The following SH3BGRL2 variants were observed in gnomAD, a reference collection of about 807,000 sequenced individuals.
SH3BGRL2 encodes the protein SH3 domain-binding glutamic acid-rich-like protein 2.
A neutral mutation model predicts 14.8 loss-of-function variants in SH3BGRL2; 21 were observed. The ratio of observed to expected loss-of-function variants is 1.42; its 90% CI spans 1.01 to 2.05. SH3BGRL2 has a LOEUF of 2.05. Among genes scored for constraint, SH3BGRL2 ranks in the 30% most tolerant of loss-of-function variants. The pLI is 0.00. For synonymous variants in SH3BGRL2, 50 were observed against 47.8 expected (o/e 1.05, Z -0.19); for missense variants, 147 against 130.8 (o/e 1.12, Z -0.61).
chr6:79,606,107 T>C, the SH3BGRL2 span, among the ~76,000 whole-genome samples: 1 of 152,118 alleles, frequency 6.6e-6, no homozygotes, highest in Non-Finnish European at 1.5e-5. Flanking sequence ...TTTCTAGAGA[T>C]GGGACATGGC....
upstream of SH3BGRL2, among the ~76,000 whole-genome samples, chr6:79,626,357 C>T (rs536068611): frequency 1.3e-4 from 20 of 152,282 alleles, no homozygotes; most frequent in African/African-American, 4.1e-4. Flanking sequence ...AGGATATTTA[C>T]GTTCCCTGAT....
the SH3BGRL2 span, among the ~76,000 whole-genome samples, chr6:79,597,443 T>C: frequency 6.6e-6 from 1 of 151,960 alleles, no homozygotes; most frequent in African/African-American, 2.4e-5. Context: ...TGGGATAGAA[T>C]TGAGAGTCCA....
chr6:79,611,249 A>G, the SH3BGRL2 span, among the ~76,000 whole-genome samples: 1 of 152,152 alleles, frequency 6.6e-6, no homozygotes, highest in Non-Finnish European at 1.5e-5. Context: ...CTTAAATGAA[A>G]TAAGAATGTA....
At chr6:79,600,155 C>A in the SH3BGRL2 span, among the ~76,000 whole-genome samples, 5 of 152,222 alleles carry the variant, frequency 3.3e-5, no homozygotes, top group Non-Finnish European at 7.3e-5. Flanking sequence ...TCTATAAAAT[C>A]CCTAGCAAGT....
chr6:79,628,350 A>G (rs1768768466), upstream of SH3BGRL2, among the ~76,000 whole-genome samples: 2 of 151,198 alleles, frequency 1.3e-5, 1 homozygote. Flanking sequence ...TCTTACTCCC[A>G]CAAAAAAAAA....
chr6:79,575,689 T>G, the SH3BGRL2 span, among the ~76,000 whole-genome samples: 1 of 152,110 alleles, frequency 6.6e-6, no homozygotes, highest in East Asian at 1.9e-4. Flanking sequence ...AATATAGATA[T>G]AGCAGCTGCA....
intron 1 of SH3BGRL2, among the ~76,000 whole-genome samples, chr6:79,661,080 A>G (rs1055879052): frequency 6.6e-6 from 1 of 152,142 alleles, no homozygotes; most frequent in African/African-American, 2.4e-5. Context: ...TCAAAAAACC[A>G]GCTCCTGGAT....
chr6:79,572,691 T>C, the SH3BGRL2 span, among the ~76,000 whole-genome samples: 2 of 152,108 alleles, frequency 1.3e-5, no homozygotes, highest in South Asian at 4.1e-4. Flanking sequence ...GGTCTCGATC[T>C]CCTGACCTCG....
the SH3BGRL2 span, among the ~76,000 whole-genome samples, chr6:79,547,535 C>T: frequency 6.6e-6 from 1 of 152,082 alleles, no homozygotes; most frequent in African/African-American, 2.4e-5. Context: ...TACCCCTGAC[C>T]CAAGGGCCAT....
chr6:79,671,785 C>T (rs538137069), intron 1 of SH3BGRL2, among the ~76,000 whole-genome samples: 13 of 152,292 alleles, frequency 8.5e-5, no homozygotes, highest in African/African-American at 2.9e-4. Context: ...TGCCTGCCCC[C>T]GCCACCCTAG....
the SH3BGRL2 span, among the ~76,000 whole-genome samples, chr6:79,564,365 T>C: frequency 1.3e-5 from 2 of 151,228 alleles, no homozygotes; most frequent in African/African-American, 2.4e-5. Flanking sequence ...AACTGCACTG[T>C]ATTTTATTCT....
the SH3BGRL2 span, among the ~76,000 whole-genome samples, chr6:79,610,111 T>A: frequency 1.3e-5 from 2 of 152,210 alleles, no homozygotes; most frequent in Non-Finnish European, 2.9e-5. Flanking sequence ...CATTTTTATC[T>A]GGAGAAAAGG....
the SH3BGRL2 span, among the ~76,000 whole-genome samples, chr6:79,552,578 G>C: frequency 1.3e-5 from 2 of 152,138 alleles, no homozygotes; most frequent in East Asian, 1.9e-4. Context: ...AGGTGTGTCT[G>C]ACCTCCCATC....
the SH3BGRL2 span, among the ~76,000 whole-genome samples, chr6:79,562,764 A>G: frequency 6.6e-6 from 1 of 152,204 alleles, no homozygotes; most frequent in Non-Finnish European, 1.5e-5. Context: ...GACCATACAT[A>G]AAATACACTA....
intron 2 of SH3BGRL2, among the ~76,000 whole-genome samples, chr6:79,676,500 A>C (rs937692652): frequency 4.6e-5 from 7 of 151,292 alleles, no homozygotes; most frequent in African/African-American, 7.3e-5. Flanking sequence ...TTGAGTTTTG[A>C]CCATTCTCTT....
rs942079746 is a variant in SH3BGRL2, at chr6:79,689,555, G to A, written c.232-6930G>A. On this transcript the variant is annotated intron_variant, in intron 2 of 3. Transcript: ENST00000369838. Reference sequence around the variant, plus strand: ...ATGAGAGAAAATGTTACATATACACGGTTTTTCTTTTTAATTGAGACAGGA... The same window carrying A: ...ATGAGAGAAAATGTTACATATACACAGTTTTTCTTTTTAATTGAGACAGGA... Among the ~76,000 whole-genome samples, 4 of 151,758 alleles carry A rather than the reference G, an allele frequency of 2.6e-5. No individual in the cohort carries two copies. The East Asian group carries it at 5.8e-4, about 22-fold the overall frequency.
At chr6:79,672,643 G>A (rs1224254392) in intron 1 of SH3BGRL2, among the ~76,000 whole-genome samples, 2 of 151,990 alleles carry the variant, frequency 1.3e-5, no homozygotes, top group South Asian at 4.2e-4. Context: ...ATACGGGTTT[G>A]GCACTATCTG....
the SH3BGRL2 span, among the ~76,000 whole-genome samples, chr6:79,539,046 G>A: frequency 6.6e-6 from 1 of 151,954 alleles, no homozygotes; most frequent in Non-Finnish European, 1.5e-5. Context: ...TATTTAAGAC[G>A]CTGGGAGAAT....
the SH3BGRL2 span, among the ~76,000 whole-genome samples, chr6:79,572,035 A>G: frequency 1.1e-4 from 16 of 152,304 alleles, no homozygotes; most frequent in East Asian, 2.5e-3. Context: ...ACATTTGTCC[A>G]TACTAAGAAA....
Sources: gnomAD v4.1 joint callset for allele counts (sites outside exome capture counted in the v4.1 genomes callset) on GRCh38, gnomAD v4.1.1 for gene constraint, MANE v1.5 for transcripts, NCBI Gene and HGNC (gene_info 2026-07-23, HGNC 2026-07-21) for gene names.